TBCA: variants seen among roughly 807,000 people sequenced by gnomAD.
TBCA encodes the protein tubulin-specific chaperone A.
TBCA carries 6 observed loss-of-function variants against 15.8 expected under a neutral mutation model. That is an observed-to-expected ratio of 0.38 (90% CI 0.21 to 0.75). TBCA has a LOEUF of 0.75. TBCA is among the 30% of genes least tolerant of loss of function. The probability of loss-of-function intolerance (pLI) is 0.46; values close to 1 mark genes in which losing one functional copy is unlikely to be tolerated. For synonymous variants in TBCA, 32 were observed against 42.3 expected (o/e 0.76, Z 0.94); for missense variants, 90 against 131.2 (o/e 0.69, Z 1.53).
intron 1 of TBCA, among the ~76,000 whole-genome samples, chr5:77,744,664 C>G (rs935465181): frequency 1.3e-5 from 2 of 150,714 alleles, no homozygotes; most frequent in Non-Finnish European, 1.5e-5. Context: ...GCCCCCCAAG[C>G]AGCTGGGATT....
At chr5:77,692,732 A>T in intron 3 of TBCA, 1 of 991,608 alleles carries the variant, frequency 1.0e-6, no homozygotes, top group East Asian at 1.1e-4. Flanking sequence ...TGCTTTATCT[A>T]CCTTCTGTAT....
intron 1 of TBCA, among the ~76,000 whole-genome samples, chr5:77,714,319 CA>C (rs1302598226): frequency 2.6e-5 from 4 of 151,248 alleles, no homozygotes; most frequent in Non-Finnish European, 4.4e-5. Flanking sequence ...GACTCCATCT[CA>C]AAAAAACAAA....
chr5:77,715,821 C>T (rs753115133), intron 1 of TBCA, among the ~76,000 whole-genome samples: 12 of 152,160 alleles, frequency 7.9e-5, no homozygotes, highest in Non-Finnish European at 1.5e-4. Flanking sequence ...TATACCAACA[C>T]CTGTGTCATT....
chr5:77,707,313 A>G (rs979638266), intron 2 of TBCA, among the ~76,000 whole-genome samples: 7 of 152,176 alleles, frequency 4.6e-5, no homozygotes, highest in African/African-American at 9.7e-5. Flanking sequence ...GTGTCAGCTG[A>G]GAATGAATGT....
At chr5:77,747,759 AAT>A (rs2112488151) in intron 1 of TBCA, among the ~76,000 whole-genome samples, 1 of 152,254 alleles carries the variant, frequency 6.6e-6, no homozygotes, top group African/African-American at 2.4e-5. Flanking sequence ...ATACTTTGGC[AAT>A]AGTGTTTGAA....
At chr5:77,739,811 T>C (rs1257466144) in intron 1 of TBCA, among the ~76,000 whole-genome samples, 1 of 152,180 alleles carries the variant, frequency 6.6e-6, no homozygotes, top group Non-Finnish European at 1.5e-5. Context: ...ACTAAGGAAT[T>C]CCACAACTAG....
intron 1 of TBCA, among the ~76,000 whole-genome samples, chr5:77,736,136 C>A (rs1443056223): frequency 1.3e-5 from 2 of 151,946 alleles, no homozygotes; most frequent in African/African-American, 4.8e-5. Flanking sequence ...AGATCGAGAC[C>A]ATCCTGGCTA....
At chr5:77,746,043 A>G (rs543324460) in intron 1 of TBCA, among the ~76,000 whole-genome samples, 25 of 152,352 alleles carry the variant, frequency 1.6e-4, no homozygotes, top group African/African-American at 5.1e-4. Flanking sequence ...TAAAACTTGC[A>G]TAAGAAGAGT....
intron 1 of TBCA, among the ~76,000 whole-genome samples, chr5:77,739,694 T>C (rs1427611674): frequency 6.6e-6 from 1 of 152,192 alleles, no homozygotes; most frequent in East Asian, 1.9e-4. Context: ...ATTTGTCCCG[T>C]CTTAACTATT....
intron 2 of TBCA, among the ~76,000 whole-genome samples, chr5:77,706,790 G>C (rs1482432191): frequency 7.8e-6 from 1 of 128,060 alleles, no homozygotes; most frequent in Non-Finnish European, 1.6e-5. Context: ...CAGCCTGGGT[G>C]ACACAGCAAG....
In TBCA at chr5:77,769,203, T is replaced by G. The variant is rs369074514; in HGVS notation, c.53+7002A>C. On this transcript the variant is annotated intron_variant, in intron 1 of 3. Transcript: ENST00000380377. Reference sequence around the variant, plus strand: ...TTTTGACATGGCCTCTGACCACCACTTTGGAGAACTGAATACATTACACAA... The same window carrying G: ...TTTTGACATGGCCTCTGACCACCACGTTGGAGAACTGAATACATTACACAA... Among the ~76,000 whole-genome samples the G allele has an allele frequency of 9.9e-5, 15 of 152,270 alleles. No individual in the cohort carries two copies. The South Asian group carries it at 3.1e-3, about 32-fold the overall frequency.
At chr5:77,729,153 A>C (rs1463150105) in intron 1 of TBCA, among the ~76,000 whole-genome samples, 1 of 152,062 alleles carries the variant, frequency 6.6e-6, no homozygotes, top group Non-Finnish European at 1.5e-5. Context: ...ATCTCTACTA[A>C]AAACATAAAA....
intron 2 of TBCA, among the ~76,000 whole-genome samples, chr5:77,701,793 G>A (rs931282471): frequency 4.1e-5 from 6 of 147,570 alleles, no homozygotes; most frequent in Non-Finnish European, 5.9e-5. Context: ...GGACGGGACT[G>A]GAGACTTACT....
chr5:77,708,384 T>C lies in TBCA; in HGVS notation c.54-37A>G, dbSNP rs778628326. ...CCAAAAATGTTTTAGAAAATTAGCTTTCTCTCCAGACCATAAGAAAGAAAC... is the reference window on the plus strand; with the variant it reads ...CCAAAAATGTTTTAGAAAATTAGCTCTCTCTCCAGACCATAAGAAAGAAAC... On this transcript the variant is annotated intron_variant, in intron 1 of 3. Coordinates refer to ENST00000380377, the MANE Select transcript of TBCA (RefSeq NM_004607.3). The C allele has an allele frequency of 1.0e-5, 13 of 1,279,976 alleles. No homozygotes were observed. The South Asian group carries it at 1.6e-4, about 16-fold the overall frequency. 79.3% of individuals were successfully genotyped at this position (1,279,976 alleles called of 1,614,324 possible).
At position 77,758,507 on chromosome 5, in the gene TBCA, G is replaced by A. The variant is rs550030480; in HGVS notation, c.53+17698C>T. ...TAAAAGGGACAGGAATTGCTCACTC[G>A]GAGAGCTCGGATTTTAAGACAGTAG... On this transcript the variant is annotated intron_variant, in intron 1 of 3. Coordinates refer to ENST00000380377, the MANE Select transcript of TBCA (RefSeq NM_004607.3). Among the ~76,000 whole-genome samples, 5 of 152,292 alleles carry A rather than the reference G, an allele frequency of 3.3e-5. No homozygotes were observed. The East Asian group carries it at 5.8e-4, about 18-fold the overall frequency.
chr5:77,693,088 G>A (rs1745792104), intron 3 of TBCA, 178 bp downstream of exon 3: 8 of 1,462,658 alleles, frequency 5.5e-6, no homozygotes, highest in Non-Finnish European at 7.2e-6. Flanking sequence ...TTTTACTGGA[G>A]GCATAATTCA....
chr5:77,715,658 A>G (rs1265664387), intron 1 of TBCA, among the ~76,000 whole-genome samples: 1 of 152,232 alleles, frequency 6.6e-6, no homozygotes, highest in Non-Finnish European at 1.5e-5. Context: ...TTTAACCTGG[A>G]TTTATAAAAA....
chr5:77,763,190 G>A (rs946644942), intron 1 of TBCA, among the ~76,000 whole-genome samples: 1 of 152,130 alleles, frequency 6.6e-6, no homozygotes, highest in African/African-American at 2.4e-5. Context: ...CTTGCAGTGA[G>A]TCGAGATTGC....
At chr5:77,762,168 A>G (rs1466240265) in intron 1 of TBCA, among the ~76,000 whole-genome samples, 1 of 152,228 alleles carries the variant, frequency 6.6e-6, no homozygotes, top group African/African-American at 2.4e-5. Context: ...CTGTGGAAGT[A>G]GCCAGAGTGT....
Sources: allele counts gnomAD v4.1 joint callset (sites outside exome capture counted in the v4.1 genomes callset), GRCh38; gene constraint gnomAD v4.1.1; transcripts MANE v1.5; gene names NCBI Gene and HGNC (gene_info 2026-07-23, HGNC 2026-07-21).